RARB: variants seen among roughly 807,000 people sequenced by gnomAD.
The protein encoded by RARB is retinoic acid receptor beta, also known as HBV-activated protein.
A neutral mutation model predicts 51.9 loss-of-function variants in RARB; 17 were observed. The observed-to-expected ratio is 0.33, with a 90% CI of 0.22 to 0.49. RARB has a LOEUF of 0.49. Ranked by LOEUF, RARB falls within the 20% of genes least tolerant of loss-of-function variation. The probability of loss-of-function intolerance (pLI) is 0.99; values close to 1 mark genes in which losing one functional copy is unlikely to be tolerated. For missense variants in RARB, 369 were observed against 550.8 expected (o/e 0.67, Z 3.30); for synonymous variants, 215 against 195.4 (o/e 1.10, Z -0.84).
upstream of RARB, among the ~76,000 whole-genome samples, chr3:25,427,790 C>T (rs1048943213): frequency 6.6e-6 from 1 of 152,148 alleles, no homozygotes; most frequent in African/African-American, 2.4e-5. Flanking sequence ...CTTGCATGTG[C>T]TTTTTCTGGA....
intron 3 of RARB, among the ~76,000 whole-genome samples, chr3:25,064,284 A>T (rs560567743): frequency 6.6e-6 from 1 of 152,150 alleles, no homozygotes. Context: ...ATATTATCTC[A>T]TAAATATACT....
At chr3:25,550,501 A>G (rs1699804072) in intron 3 of RARB, among the ~76,000 whole-genome samples, 2 of 151,878 alleles carry the variant, frequency 1.3e-5, no homozygotes, top group Admixed American at 1.3e-4. Flanking sequence ...CTCCCTCAGG[A>G]CTCATTTAAG....
chr3:25,358,785 T>C (rs767032168), intron 5 of RARB, among the ~76,000 whole-genome samples: 49 of 152,354 alleles, frequency 3.2e-4, no homozygotes, highest in Admixed American at 2.2e-3. Flanking sequence ...TTACATTCAT[T>C]GATTTGCATA....
intron 2 of RARB, among the ~76,000 whole-genome samples, chr3:24,994,782 T>C (rs1696987744): frequency 6.6e-6 from 1 of 152,108 alleles, no homozygotes; most frequent in African/African-American, 2.4e-5. Flanking sequence ...TTTGTGTCCT[T>C]GTCAAAAATT....
intron 3 of RARB, among the ~76,000 whole-genome samples, chr3:25,099,516 A>G (rs1026229763): frequency 6.6e-6 from 1 of 152,012 alleles, no homozygotes; most frequent in African/African-American, 2.4e-5. Flanking sequence ...CATATGTATC[A>G]TTGAATCAAA....
At chr3:25,575,990 A>G (rs1435594638) in intron 4 of RARB, among the ~76,000 whole-genome samples, 3 of 152,192 alleles carry the variant, frequency 2.0e-5, no homozygotes, top group Admixed American at 6.5e-5. Flanking sequence ...GGCAGCACAC[A>G]TAAGTCCTGA....
intron 2 of RARB, among the ~76,000 whole-genome samples, chr3:24,939,012 T>G (rs1695603073): frequency 6.6e-6 from 1 of 151,696 alleles, no homozygotes; most frequent in African/African-American, 2.4e-5. Context: ...AGACAGAGTC[T>G]CACTCTGTTC....
At chr3:25,327,568 A>G (rs767992587) in intron 5 of RARB, among the ~76,000 whole-genome samples, 1 of 152,226 alleles carries the variant, frequency 6.6e-6, no homozygotes, top group Non-Finnish European at 1.5e-5. Context: ...GTCTTTAGAT[A>G]CGTAAGGTCT....
chr3:24,859,599 T>C (rs1702703788), intron 2 of RARB, among the ~76,000 whole-genome samples: 1 of 152,216 alleles, frequency 6.6e-6, no homozygotes, highest in Non-Finnish European at 1.5e-5. Flanking sequence ...ACTCAACCAA[T>C]ATAATCAGTA....
At chr3:25,033,901 G>C (rs535582625) in intron 2 of RARB, among the ~76,000 whole-genome samples, 1 of 152,192 alleles carries the variant, frequency 6.6e-6, no homozygotes, top group South Asian at 2.1e-4. Context: ...TGTTCTCCCA[G>C]ACCTTTTCTC....
rs573671662 is a variant in RARB at position 24,957,110 on chromosome 3, G to A, written c.-380+98358G>A. 3.3e-5 allele frequency among the ~76,000 whole-genome samples: 5 copies of A among 152,260 alleles called. No individual in the cohort carries two copies. The South Asian group carries it at 1.0e-3, about 32-fold the overall frequency. On this transcript the variant is annotated intron_variant, in intron 2 of 11. Transcript: ENST00000383772. ...CTTCTGAGGGCAATTGCCAGAGAGGGCCTTCACCAAGAGCTATGAGCAGAC... is the reference window on the plus strand; with the variant it reads ...CTTCTGAGGGCAATTGCCAGAGAGGACCTTCACCAAGAGCTATGAGCAGAC...
chr3:24,943,769 G>A (rs1293990309), intron 2 of RARB, among the ~76,000 whole-genome samples: 2 of 152,154 alleles, frequency 1.3e-5, no homozygotes, highest in East Asian at 3.9e-4. Context: ...TAAGCAGAGT[G>A]GAATGACAGA....
intron 2 of RARB, among the ~76,000 whole-genome samples, chr3:25,006,430 TA>T (rs1451096845): frequency 6.6e-6 from 1 of 152,138 alleles, no homozygotes; most frequent in Non-Finnish European, 1.5e-5. Flanking sequence ...GGCTTTCAAA[TA>T]AAGAAAACTA....
chr3:24,886,013 C>T (rs1414265183), intron 2 of RARB, among the ~76,000 whole-genome samples: 1 of 151,954 alleles, frequency 6.6e-6, no homozygotes, highest in African/African-American at 2.4e-5. Flanking sequence ...ATGATTTTAC[C>T]CTAATTTGCT....
At chr3:25,059,583 C>A (rs914576425) in intron 2 of RARB, among the ~76,000 whole-genome samples, 1 of 151,726 alleles carries the variant, frequency 6.6e-6, no homozygotes, top group Non-Finnish European at 1.5e-5. Flanking sequence ...ATTTGTGATG[C>A]TGCTTTAAAA....
chr3:25,069,445 C>T (rs1057153854), intron 3 of RARB, among the ~76,000 whole-genome samples: 1 of 152,068 alleles, frequency 6.6e-6, no homozygotes, highest in African/African-American at 2.4e-5. Context: ...TATATTGTAC[C>T]AAATTTATAT....
intron 5 of RARB, among the ~76,000 whole-genome samples, chr3:25,243,435 G>A (rs193021819): frequency 1.3e-5 from 2 of 152,254 alleles, no homozygotes; most frequent in East Asian, 3.9e-4. Flanking sequence ...GTGTGATATT[G>A]GCTGTGGGTT....
intron 2 of RARB, among the ~76,000 whole-genome samples, chr3:24,959,077 G>A (rs1365836079): frequency 6.6e-6 from 1 of 152,204 alleles, no homozygotes; most frequent in Non-Finnish European, 1.5e-5. Context: ...GCCCCAGAGG[G>A]CATGCGTTAC....
chr3:25,210,124 T>C (rs1701653425), intron 5 of RARB, among the ~76,000 whole-genome samples: 2 of 152,158 alleles, frequency 1.3e-5, no homozygotes, highest in African/African-American at 4.8e-5. Context: ...AGATTATCAA[T>C]TTAAGACAGA....
Sources: gnomAD v4.1 joint callset for allele counts (sites outside exome capture counted in the v4.1 genomes callset) on GRCh38, gnomAD v4.1.1 for gene constraint, MANE v1.5 for transcripts, NCBI Gene and HGNC (gene_info 2026-07-23, HGNC 2026-07-21) for gene names.